THRB: variants seen among roughly 807,000 people sequenced by gnomAD.
THRB encodes the protein nuclear receptor subfamily 1 group A member 2.
In THRB, 12 loss-of-function variants were observed where a neutral mutation model predicts 47.8. The ratio of observed to expected loss-of-function variants is 0.25; its 90% CI spans 0.16 to 0.41. The LOEUF is 0.41. THRB is among the 10% of genes least tolerant of loss of function. The pLI is 1.00. For synonymous variants in THRB, 218 were observed against 212.2 expected (o/e 1.03, Z -0.24); for missense variants, 348 against 589.2 (o/e 0.59, Z 4.24).
chr3:24,265,124 G>T (rs1208096162), intron 3 of THRB, among the ~76,000 whole-genome samples: 1 of 152,084 alleles, frequency 6.6e-6, no homozygotes, highest in African/African-American at 2.4e-5. Context: ...TATTACACTG[G>T]AAAAAATAGG....
intron 4 of THRB, among the ~76,000 whole-genome samples, chr3:24,207,140 T>G (rs2045467367): frequency 6.6e-6 from 1 of 152,202 alleles, no homozygotes; most frequent in Admixed American, 6.5e-5. Flanking sequence ...CCCTAACTTA[T>G]TTTATGAAGC....
intron 5 of THRB, among the ~76,000 whole-genome samples, chr3:24,166,655 G>C (rs2039681711): frequency 6.6e-6 from 1 of 152,118 alleles, no homozygotes; most frequent in Non-Finnish European, 1.5e-5. Flanking sequence ...AGGAAGGGCG[G>C]ATGCTGCTCT....
chr3:24,236,846 TTTTAATATTAAA>T (rs1230467304), intron 3 of THRB, among the ~76,000 whole-genome samples: 2 of 152,170 alleles, frequency 1.3e-5, no homozygotes, highest in African/African-American at 4.8e-5. Flanking sequence ...GCCCTTTGCA[TTTTAATATTAAA>T]TCTAGGACCC....
intron 1 of THRB, among the ~76,000 whole-genome samples, chr3:24,424,397 TG>T: frequency 6.6e-6 from 1 of 152,080 alleles, no homozygotes; most frequent in African/African-American, 2.4e-5. Context: ...GGCAAAGCCA[TG>T]GTAAGTTTCT....
At chr3:24,190,405 G>T in intron 4 of THRB, 71 bp from the exon 5 acceptor site, 1 of 1,586,668 alleles carries the variant, frequency 6.3e-7, no homozygotes. Flanking sequence ...GCAGAGTTTT[G>T]GAAGGCAAGT....
At chr3:24,157,799 G>C (rs1241324484) in intron 5 of THRB, among the ~76,000 whole-genome samples, 1 of 152,172 alleles carries the variant, frequency 6.6e-6, no homozygotes, top group Non-Finnish European at 1.5e-5. Flanking sequence ...CCAGAGTGTT[G>C]GGACTACAGG....
intron 5 of THRB, chr3:24,165,105 A>G (rs1436305570): frequency 1.3e-6 from 1 of 765,092 alleles, no homozygotes; most frequent in East Asian, 2.4e-5. Flanking sequence ...GGTTGGCTGT[A>G]TTGATTCAGG....
At chr3:24,125,448 T>TA (rs2032572445) in intron 10 of THRB, among the ~76,000 whole-genome samples, 1 of 152,220 alleles carries the variant, frequency 6.6e-6, no homozygotes, top group Non-Finnish European at 1.5e-5. Context: ...TTTGTACCTC[T>TA]AAAATCTCAG....
intron 5 of THRB, among the ~76,000 whole-genome samples, chr3:24,160,185 G>C (rs1001892274): frequency 6.6e-5 from 10 of 152,178 alleles, no homozygotes; most frequent in Non-Finnish European, 1.0e-4. Flanking sequence ...TGGAGACTAG[G>C]GTGACAGAGA....
At chr3:24,451,783 C>A (rs1324214796) in intron 1 of THRB, among the ~76,000 whole-genome samples, 5 of 152,204 alleles carry the variant, frequency 3.3e-5, no homozygotes, top group Admixed American at 1.3e-4. Context: ...AAGCACAAAG[C>A]TGACCTTTAA....
intron 3 of THRB, among the ~76,000 whole-genome samples, chr3:24,290,868 G>A (rs188984073): frequency 6.6e-6 from 1 of 152,116 alleles, no homozygotes; most frequent in Non-Finnish European, 1.5e-5. Flanking sequence ...ATAATTCTTG[G>A]AATTTTCTTG....
chr3:24,215,029 T>A (rs1310445071), intron 4 of THRB, among the ~76,000 whole-genome samples: 1 of 152,218 alleles, frequency 6.6e-6, no homozygotes, highest in Non-Finnish European at 1.5e-5. Flanking sequence ...ATCTTACAGA[T>A]CCATCATTCA....
chr3:24,306,055 TTTG>T (rs367625206), intron 2 of THRB, among the ~76,000 whole-genome samples: 4 of 152,252 alleles, frequency 2.6e-5, no homozygotes, highest in Admixed American at 6.5e-5. Flanking sequence ...TCCTTCAATT[TTTG>T]TTGTTGTTGT....
chr3:24,311,269 G>A (rs2057738200), intron 2 of THRB, among the ~76,000 whole-genome samples: 1 of 152,164 alleles, frequency 6.6e-6, no homozygotes, highest in Admixed American at 6.5e-5. Flanking sequence ...GAAAAATGGA[G>A]TTGGAAAGGC....
rs1030872208 is a variant in THRB at position 24,449,476 on chromosome 3, T to C, written c.-261+45176A>G. On this transcript the variant is annotated intron_variant, in intron 1 of 10. Transcript: ENST00000646209. ...CGCTGCAGGAAAGACAGCAGTACTA[T>C]ATATTAACTCAGCAGGGAAAACAGC... Among the ~76,000 whole-genome samples the C allele has an allele frequency of 4.6e-5, 7 of 152,192 alleles. No individual in the cohort carries two copies. In the South Asian group the frequency reaches 6.2e-4, roughly 14 times the overall value.
At chr3:24,411,999 T>C (rs752317057) in intron 1 of THRB, among the ~76,000 whole-genome samples, 6 of 151,762 alleles carry the variant, frequency 4.0e-5, no homozygotes, top group Non-Finnish European at 7.4e-5. Flanking sequence ...AAATACAGTA[T>C]ATTATTTAGC....
intron 1 of THRB, among the ~76,000 whole-genome samples, chr3:24,401,139 A>G (rs1470813946): frequency 1.3e-5 from 2 of 152,024 alleles, no homozygotes; most frequent in Non-Finnish European, 2.9e-5. Flanking sequence ...TTTTATATAG[A>G]CTTCAGTTTA....
At chr3:24,208,372 A>T (rs1330833683) in intron 4 of THRB, among the ~76,000 whole-genome samples, 1 of 152,240 alleles carries the variant, frequency 6.6e-6, no homozygotes, top group Non-Finnish European at 1.5e-5. Flanking sequence ...TGGAACGAAA[A>T]AAGAGCCCGC....
intron 3 of THRB, among the ~76,000 whole-genome samples, chr3:24,262,505 G>A (rs1252511969): frequency 6.6e-6 from 1 of 152,166 alleles, no homozygotes; most frequent in East Asian, 1.9e-4. Context: ...GTCTTCAGCT[G>A]TTGTTCCTCA....
Sources: gnomAD v4.1 joint callset for allele counts (sites outside exome capture counted in the v4.1 genomes callset) on GRCh38, gnomAD v4.1.1 for gene constraint, MANE v1.5 for transcripts, NCBI Gene and HGNC (gene_info 2026-07-23, HGNC 2026-07-21) for gene names.